CWF19L2: variants seen among roughly 807,000 people sequenced by gnomAD.
CWF19L2 encodes the protein CWF19 like cell cycle control factor 2.
In CWF19L2, 98 loss-of-function variants were observed where a neutral mutation model predicts 111.7. That is an observed-to-expected ratio of 0.88 (90% CI 0.75 to 1.04). The LOEUF is 1.04. CWF19L2 is among the 50% of genes least tolerant of loss of function. The pLI, the probability that CWF19L2 is intolerant of heterozygous loss-of-function variation, is 0.00. For synonymous variants in CWF19L2, 351 were observed against 342.9 expected, an observed-to-expected ratio of 1.02 and a Z score of -0.26; for missense variants, 1,101 against 1,051.4, an observed-to-expected ratio of 1.05 and a Z score of -0.65.
chr11:107,442,335 AT>A (rs1861629749), intron 4 of CWF19L2, among the ~76,000 whole-genome samples: 1 of 152,130 alleles, frequency 6.6e-6, no homozygotes, highest in Non-Finnish European at 1.5e-5. Context: ...AATTTTAATC[AT>A]CTTTCATTTT....
intron 10 of CWF19L2, among the ~76,000 whole-genome samples, chr11:107,400,071 T>G (rs934922652): frequency 6.6e-6 from 1 of 151,860 alleles, no homozygotes; most frequent in Non-Finnish European, 1.5e-5. Flanking sequence ...GCAAAGGCAG[T>G]GCTAAGAGAA....
rs767306102 is a variant in CWF19L2 at position 107,336,674 on chromosome 11, C to T, written c.2242G>A (p.Gly748Arg). ...KSLVKMFEDK[G>R]LDCIFLETNM... ...GTTTCCAAAAAAATGCAGTCTAATC[C>T]TTTATCTTCAAACATCTTTACCAAT... is the stretch of plus-strand genomic sequence containing the variant. The change falls in exon 15 of 18, where the codon GGA becomes AGA. Residue 748 changes from glycine (G) to arginine (R), a missense_variant. By Grantham distance (125) the Gly-to-Arg change is moderately radical. Coordinates refer to ENST00000282251, the MANE Select transcript of CWF19L2 (RefSeq NM_152434.3). 3 of 1,551,040 alleles carry T rather than the reference C, an allele frequency of 1.9e-6. No individual in the cohort carries two copies. The highest frequency in any genetic ancestry group is 2.8e-5 in the African/African-American group (2 of 72,296).
chr11:107,342,944 A>G (rs898155938), intron 14 of CWF19L2, among the ~76,000 whole-genome samples: 17 of 152,200 alleles, frequency 1.1e-4, no homozygotes, highest in Admixed American at 6.5e-5. Flanking sequence ...GGCAGCCCCT[A>G]GAAACTAGAA....
At chr11:107,405,048 G>C (rs537634306) in intron 10 of CWF19L2, among the ~76,000 whole-genome samples, 1 of 152,344 alleles carries the variant, frequency 6.6e-6, no homozygotes, top group African/African-American at 2.4e-5. Flanking sequence ...GCCAACTCCA[G>C]TCTTGTGCTT....
At chr11:107,440,382 G>A (rs1214677655) in intron 5 of CWF19L2, among the ~76,000 whole-genome samples, 1 of 152,050 alleles carries the variant, frequency 6.6e-6, no homozygotes, top group Non-Finnish European at 1.5e-5. Context: ...ATGAGCTGAC[G>A]AAAAAGAACC....
rs1860562563 is a variant in CWF19L2 at position 107,374,325 on chromosome 11, C to T, written c.1872+15749G>A. 1.5e-5 allele frequency among the ~76,000 whole-genome samples: 2 copies of T among 131,040 alleles called. 1 individual carries two copies. Among genetic ancestry groups the T allele is most frequent in the South Asian group, 5.2e-4 (2 of 3,860 alleles). The allele number at this position is 131,040 out of a possible 152,430, so 86.0% of individuals were successfully genotyped here. A position where few individuals can be genotyped will look rare whatever the true frequency, so the allele number is the denominator to read the frequency against. ...CACCAAGACACATAATTGTCAGATT[C>T]ACCAAAGTTGAAATGAAGGAAAAAA... On this transcript the variant is annotated intron_variant, in intron 12 of 17. Coordinates refer to ENST00000282251, the MANE Select transcript of CWF19L2 (RefSeq NM_152434.3).
At chr11:107,413,046 G>A (rs1484944859) in intron 10 of CWF19L2, among the ~76,000 whole-genome samples, 1 of 152,154 alleles carries the variant, frequency 6.6e-6, no homozygotes, top group Non-Finnish European at 1.5e-5. Flanking sequence ...CTACAATGGT[G>A]GATACATGTC....
At chr11:107,454,898 C>G (rs7926690) in intron 2 of CWF19L2, among the ~76,000 whole-genome samples, 1,539 of 152,190 alleles carry the variant, frequency 0.01, 21 homozygotes, top group African/African-American at 0.035. Context: ...TCTATACACA[C>G]ACAAACACAC....
intron 7 of CWF19L2, among the ~76,000 whole-genome samples, chr11:107,433,120 T>G (rs1280634595): frequency 2.0e-5 from 3 of 152,138 alleles, no homozygotes; most frequent in Non-Finnish European, 4.4e-5. Flanking sequence ...TTTCTAAACC[T>G]GCTTTCCCCC....
intron 12 of CWF19L2, among the ~76,000 whole-genome samples, chr11:107,359,673 G>A (rs1156563728): frequency 6.6e-6 from 1 of 152,052 alleles, no homozygotes; most frequent in Non-Finnish European, 1.5e-5. Flanking sequence ...AGCACTTTGG[G>A]AGGCCAAGGA....
intron 12 of CWF19L2, among the ~76,000 whole-genome samples, chr11:107,376,523 A>C (rs79911134): frequency 0.2 from 12,513 of 62,354 alleles, 1,559 homozygotes; most frequent in African/African-American, 0.38. Context: ...CCACATGATT[A>C]TCTCAATAGA....
In CWF19L2 at chr11:107,404,580, T is replaced by C. The variant is rs1861052229; in HGVS notation, c.1617+11629A>G. The C allele has an allele frequency of 2.6e-5, 16 of 619,678 alleles. No individual in the cohort carries two copies. In the South Asian group the frequency reaches 2.7e-4, roughly 10 times the overall value. The allele number at this position is 619,678 out of a possible 1,614,324, so 38.4% of individuals were successfully genotyped here. A position where few individuals can be genotyped will look rare whatever the true frequency, so the allele number is the denominator to read the frequency against. ...GTGGGAGGTGGGGCATAAGATGGTC[T>C]TTCCACAGGCAGAAAAAGCACCTGC... On this transcript the variant is annotated intron_variant, in intron 10 of 17. Coordinates refer to ENST00000282251, the MANE Select transcript of CWF19L2 (RefSeq NM_152434.3).
intron 10 of CWF19L2, chr11:107,403,938 G>A (rs372437374): frequency 1.8e-5 from 16 of 883,906 alleles, no homozygotes; most frequent in Middle Eastern, 3.2e-4. Flanking sequence ...TGGACCTGTC[G>A]TTTAAGGACC....
chr11:107,354,821 T>C (rs78846942), intron 12 of CWF19L2, among the ~76,000 whole-genome samples: 2,004 of 152,326 alleles, frequency 0.013, 31 homozygotes, highest in African/African-American at 0.044. Context: ...CCTGACAGGC[T>C]GTCTCATCAG....
chr11:107,353,978 A>C (rs1015916896), intron 12 of CWF19L2, among the ~76,000 whole-genome samples: 35 of 152,138 alleles, frequency 2.3e-4, no homozygotes, highest in African/African-American at 8.2e-4. Context: ...CATGTTTTAT[A>C]CTCCTATGTG....
At chr11:107,336,297 C>A (rs1859922251) in intron 15 of CWF19L2, among the ~76,000 whole-genome samples, 1 of 152,028 alleles carries the variant, frequency 6.6e-6, no homozygotes, top group South Asian at 2.1e-4. Context: ...CAGGTGCCCA[C>A]CACCATGCCC....
intron 10 of CWF19L2, among the ~76,000 whole-genome samples, chr11:107,408,215 T>C (rs1861108550): frequency 6.6e-6 from 1 of 152,048 alleles, no homozygotes; most frequent in South Asian, 2.1e-4. Context: ...CTTATTTGTA[T>C]GTTCTCTTTC....
At chr11:107,355,145 G>A (rs150627959) in intron 12 of CWF19L2, among the ~76,000 whole-genome samples, 11 of 152,226 alleles carry the variant, frequency 7.2e-5, no homozygotes, top group African/African-American at 2.2e-4. Context: ...GGCCAGGCGC[G>A]GTGGCTCACA....
chr11:107,400,969 T>C (rs1361384630), intron 10 of CWF19L2, among the ~76,000 whole-genome samples: 1 of 152,146 alleles, frequency 6.6e-6, no homozygotes, highest in Non-Finnish European at 1.5e-5. Context: ...AAAAATCACA[T>C]GATCATCTCA....
Sources: allele counts gnomAD v4.1 joint callset (sites outside exome capture counted in the v4.1 genomes callset), GRCh38; gene constraint gnomAD v4.1.1; transcripts MANE v1.5; gene names NCBI Gene and HGNC (gene_info 2026-07-23, HGNC 2026-07-21).